The following STUM variants were observed in gnomAD, a reference collection of about 807,000 sequenced individuals.
STUM encodes stum, mechanosensory transduction mediator homolog.
Under a neutral mutation model 15.3 loss-of-function variants are expected in STUM, and 8 were observed. The ratio of observed to expected loss-of-function variants is 0.52; its 90% confidence interval spans 0.31 to 0.94. STUM has a LOEUF of 0.94. STUM is among the 40% of genes least tolerant of loss of function. The probability of loss-of-function intolerance (pLI) is 0.05; values close to 1 mark genes in which losing one functional copy is unlikely to be tolerated. For synonymous variants in STUM, 78 were observed against 88.7 expected (o/e 0.88, Z 0.68); for missense variants, 142 against 204.9 (o/e 0.69, Z 1.87).
At chr1:226,561,063 T>C (rs115742874) in intron 1 of STUM, among the ~76,000 whole-genome samples, 2,028 of 152,240 alleles carry the variant, frequency 0.013, 43 homozygotes, top group African/African-American at 0.042. Flanking sequence ...AAATGCCCTC[T>C]TCCGAAAGCC....
chr1:226,584,548 C>G (rs1228292473), intron 1 of STUM, among the ~76,000 whole-genome samples: 1 of 152,216 alleles, frequency 6.6e-6, no homozygotes, highest in Non-Finnish European at 1.5e-5. Flanking sequence ...GGCTTCCAAC[C>G]CATAAGCCTC....
intron 1 of STUM, among the ~76,000 whole-genome samples, chr1:226,594,497 A>G (rs1668139635): frequency 1.3e-5 from 2 of 152,296 alleles, no homozygotes; most frequent in South Asian, 4.1e-4. Flanking sequence ...CAGGCCATCT[A>G]CACCTGGGAG....
intron 1 of STUM, among the ~76,000 whole-genome samples, chr1:226,571,193 C>T (rs187223158): frequency 9.2e-5 from 14 of 152,170 alleles, no homozygotes; most frequent in Admixed American, 2.6e-4. Context: ...ATCACATCAC[C>T]GTCCTCCAGC....
At chr1:226,563,162 A>G (rs1462718745) in intron 1 of STUM, among the ~76,000 whole-genome samples, 1 of 152,254 alleles carries the variant, frequency 6.6e-6, no homozygotes, top group Non-Finnish European at 1.5e-5. Context: ...ATAAAAAGTT[A>G]AAATATTTGG....
At chr1:226,593,222 T>C (rs1668118902) in intron 1 of STUM, among the ~76,000 whole-genome samples, 1 of 150,074 alleles carries the variant, frequency 6.7e-6, no homozygotes, top group Non-Finnish European at 1.5e-5. Flanking sequence ...GCTGACAAAT[T>C]AATTTTCTTA....
chr1:226,569,585 C>A (rs1276327183), intron 1 of STUM, among the ~76,000 whole-genome samples: 1 of 152,190 alleles, frequency 6.6e-6, no homozygotes, highest in Non-Finnish European at 1.5e-5. Context: ...ATGTAAAACC[C>A]CAGCTTCTAC....
chr1:226,582,296 T>A (rs1667930829), intron 1 of STUM, among the ~76,000 whole-genome samples: 1 of 152,212 alleles, frequency 6.6e-6, no homozygotes, highest in African/African-American at 2.4e-5. Context: ...TTTGCTCTTT[T>A]AAGACACCAG....
chr1:226,565,186 C>A lies in STUM; in HGVS notation c.202+16080C>A, dbSNP rs902880088. ...CCATTCTACAGCCCCCTTCTACTAC[C>A]CCAGCCCTCTCCGCCCAACAACAGC... On this transcript the variant is annotated intron_variant, in intron 1 of 3. Coordinates refer to ENST00000366788, the MANE Select transcript of STUM (RefSeq NM_001003665.4). The surrounding 1 kb of genome is among the most constrained non-coding windows in gnomAD (Gnocchi z 4.4). Among the ~76,000 whole-genome samples the A allele has an allele frequency of 5.9e-5, 9 of 152,184 alleles. No homozygotes were observed. Among genetic ancestry groups the A allele is most frequent in the Non-Finnish European group, 1.0e-4 (7 of 68,022 alleles).
At chr1:226,566,053 C>T (rs775344418) in intron 1 of STUM, among the ~76,000 whole-genome samples, 1 of 152,172 alleles carries the variant, frequency 6.6e-6, no homozygotes, top group South Asian at 2.1e-4. Context: ...TTTTTGTCCC[C>T]CACCACCCTT....
rs1668411882 is a variant in STUM, at chr1:226,609,150, G to C, written c.*7110G>C. 6.6e-6 allele frequency: 1 copy of C among 151,994 alleles called. No individual in the cohort carries two copies. Among genetic ancestry groups the C allele is most frequent in the Non-Finnish European group, 1.5e-5 (1 of 68,014 alleles). The allele number at this position is 151,994 out of a possible 1,614,324, so 9.4% of individuals were successfully genotyped here. ...GTTTTTTTAAATCCTTGGAAATACG[G>C]CTTTGGAAACCTTTTTCTTCCTTTC... On this transcript the variant is annotated 3_prime_UTR_variant, in exon 4 of 4. Transcript: ENST00000366788.
Position 226,600,815 on chromosome 1 carries a change from G to A in STUM, c.391+141G>A, listed in dbSNP as rs763491612. On this transcript the variant is annotated intron_variant, in intron 3 of 3. Coordinates refer to ENST00000366788, the MANE Select transcript of STUM (RefSeq NM_001003665.4). This position sits in a 1 kb window ranked among gnomAD's most constrained non-coding sequence, Gnocchi z 5.2. ...CTTTTATGTTTAGCTTGAACTTTTGGTTTGGAAAATGCTTAAACATAGACA... is the reference window on the plus strand; with the variant it reads ...CTTTTATGTTTAGCTTGAACTTTTGATTTGGAAAATGCTTAAACATAGACA... The A allele has an allele frequency of 6.3e-6, 6 of 950,030 alleles. No individual in the cohort carries two copies. Among genetic ancestry groups the A allele is most frequent in the South Asian group, 1.4e-5 (1 of 69,358 alleles). 58.9% of individuals were successfully genotyped at this position (950,030 alleles called of 1,614,324 possible). A position where few individuals can be genotyped will look rare whatever the true frequency, so the allele number is the denominator to read the frequency against.
At chr1:226,551,393 T>C (rs538144689) in intron 1 of STUM, among the ~76,000 whole-genome samples, 1 of 152,304 alleles carries the variant, frequency 6.6e-6, no homozygotes, top group African/African-American at 2.4e-5. Context: ...AAGCAAAGGC[T>C]CTTTGAGTGC....
chr1:226,596,346 C>G (rs991246145), intron 1 of STUM, among the ~76,000 whole-genome samples: 19 of 152,174 alleles, frequency 1.2e-4, no homozygotes, highest in African/African-American at 4.6e-4. Flanking sequence ...TGGCCCTTCC[C>G]CTCTCCTGAA....
chr1:226,570,092 C>G (rs1667683699), intron 1 of STUM, among the ~76,000 whole-genome samples: 2 of 152,174 alleles, frequency 1.3e-5, no homozygotes, highest in Admixed American at 6.5e-5. Flanking sequence ...TTCACAAGCC[C>G]CCTGCTGGAT....
At chr1:226,559,280 A>G (rs1275075630) in intron 1 of STUM, among the ~76,000 whole-genome samples, 2 of 152,144 alleles carry the variant, frequency 1.3e-5, no homozygotes, top group African/African-American at 2.4e-5. Context: ...TTGAAACCTC[A>G]ACAATGAAAA....
chr1:226,555,409 C>A (rs778669145), intron 1 of STUM, among the ~76,000 whole-genome samples: 34 of 152,366 alleles, frequency 2.2e-4, no homozygotes, highest in Admixed American at 1.6e-3. Flanking sequence ...AACTCCTGGT[C>A]TTCTTCCCCA....
chr1:226,565,522 C>T lies in STUM; in HGVS notation c.202+16416C>T, dbSNP rs630940. ...AGATGTTGGTTTCTAACACAGTCTT[C>T]CTCCTAGAAGCTCTGAAACAGCCAG... On this transcript the variant is annotated intron_variant, in intron 1 of 3. Transcript: ENST00000366788. The surrounding 1 kb of genome is among the most constrained non-coding windows in gnomAD (Gnocchi z 4.4). Among the ~76,000 whole-genome samples, 876 of 152,332 alleles carry T rather than the reference C, an allele frequency of 5.8e-3. 12 individuals are homozygous for T. Among genetic ancestry groups the T allele is most frequent in the African/African-American group, 0.02 (842 of 41,564 alleles).
At chr1:226,599,371 C>T (rs1373870346) in intron 2 of STUM, among the ~76,000 whole-genome samples, 1 of 152,238 alleles carries the variant, frequency 6.6e-6, no homozygotes, top group Non-Finnish European at 1.5e-5. Context: ...AGTTGCTACT[C>T]ATGAGATGGT....
At chr1:226,576,301 G>T (rs1026468899) in intron 1 of STUM, among the ~76,000 whole-genome samples, 3 of 152,248 alleles carry the variant, frequency 2.0e-5, no homozygotes, top group African/African-American at 7.2e-5. Flanking sequence ...ATGGGCCTGG[G>T]ATGGCTGGGT....
Sources: allele counts gnomAD v4.1 joint callset (sites outside exome capture counted in the v4.1 genomes callset), GRCh38; gene constraint gnomAD v4.1.1; non-coding constraint Gnocchi (gnomAD v3.1); transcripts MANE v1.5; gene names NCBI Gene and HGNC (gene_info 2026-07-23, HGNC 2026-07-21).